Variants in OR1B1 observed in about 807,000 individuals in gnomAD.
OR1B1 encodes olfactory receptor 1B1.
For missense variants in OR1B1, 414 were observed against 402.1 expected, an observed-to-expected ratio of 1.03 and a Z score of -0.25; for synonymous variants, 168 against 156.2, an observed-to-expected ratio of 1.08 and a Z score of -0.57.
At chr9:122,637,847 C>T in the OR1B1 span, among the ~76,000 whole-genome samples, 1 of 152,262 alleles carries the variant, frequency 6.6e-6, no homozygotes, top group East Asian at 1.9e-4. Flanking sequence ...CAGAAATGGA[C>T]AGTCCCAAAA....
chr9:122,633,166 A>G (rs1830221979), upstream of OR1B1, among the ~76,000 whole-genome samples: 1 of 152,208 alleles, frequency 6.6e-6, no homozygotes, highest in Non-Finnish European at 1.5e-5. Context: ...GCCAAACCAT[A>G]TCAAGAGTTA....
the OR1B1 span, among the ~76,000 whole-genome samples, chr9:122,635,934 T>C: frequency 2.0e-5 from 3 of 152,300 alleles, no homozygotes; most frequent in Non-Finnish European, 1.5e-5. Flanking sequence ...AATCAGGAAA[T>C]AATATTTCCA....
At chr9:122,645,801 C>A in the OR1B1 span, among the ~76,000 whole-genome samples, 1 of 152,116 alleles carries the variant, frequency 6.6e-6, no homozygotes, top group African/African-American at 2.4e-5. Flanking sequence ...AAAGGGAGTT[C>A]TTCAATCTGA....
upstream of OR1B1, among the ~76,000 whole-genome samples, chr9:122,631,475 C>G (rs1830202796): frequency 6.6e-6 from 1 of 152,104 alleles, no homozygotes; most frequent in Admixed American, 6.5e-5. Flanking sequence ...CCATGCCCAG[C>G]CAATAACATA....
chr9:122,651,609 T>C, the OR1B1 span, among the ~76,000 whole-genome samples: 1 of 152,174 alleles, frequency 6.6e-6, no homozygotes, highest in African/African-American at 2.4e-5. Context: ...CACAGAAACT[T>C]TGATACAACC....
chr9:122,628,811 C>A (rs759389860), exon 1 of OR1B1: 1 of 1,614,040 alleles, frequency 6.2e-7, no homozygotes, highest in Non-Finnish European at 8.5e-7. Context: ...GGAGACTGCT[C>A]GGCGGCGACC....
chr9:122,629,560 G>T (rs375654136), exon 1 of OR1B1: 33 of 1,449,414 alleles, frequency 2.3e-5, no homozygotes, highest in Non-Finnish European at 2.9e-5. Flanking sequence ...CTGCCTGAAA[G>T]ACAGTTTAAG....
chr9:122,646,525 G>T, the OR1B1 span, among the ~76,000 whole-genome samples: 2 of 146,638 alleles, frequency 1.4e-5, no homozygotes, highest in Non-Finnish European at 1.5e-5. Flanking sequence ...TGCCAATGAA[G>T]ACCAAAAAAA....
chr9:122,654,456 G>C, the OR1B1 span, among the ~76,000 whole-genome samples: 20 of 152,270 alleles, frequency 1.3e-4, no homozygotes, highest in African/African-American at 4.6e-4. Flanking sequence ...GCTCTAACCA[G>C]ATGGGGTCCA....
the OR1B1 span, among the ~76,000 whole-genome samples, chr9:122,656,519 T>C: frequency 2.0e-5 from 3 of 152,112 alleles, no homozygotes; most frequent in African/African-American, 7.2e-5. Context: ...CCCAACTTCC[T>C]CTCTGTATCT....
chr9:122,644,378 C>T, the OR1B1 span, among the ~76,000 whole-genome samples: 2 of 152,224 alleles, frequency 1.3e-5, no homozygotes, highest in African/African-American at 4.8e-5. Flanking sequence ...CTCTGCCTGC[C>T]ATAAGGGGAG....
chr9:122,646,179 A>G, the OR1B1 span, among the ~76,000 whole-genome samples: 1 of 152,314 alleles, frequency 6.6e-6, no homozygotes, highest in Non-Finnish European at 1.5e-5. Context: ...ACCTCAAATC[A>G]AAAAACATAT....
the OR1B1 span, among the ~76,000 whole-genome samples, chr9:122,635,734 T>G: frequency 6.6e-6 from 1 of 152,146 alleles, no homozygotes; most frequent in African/African-American, 2.4e-5. Flanking sequence ...TTTGCCAGAC[T>G]TAATGAAGGA....
At chr9:122,628,869 A>G (rs763752438) in exon 1 of OR1B1, 1 of 1,614,030 alleles carries the variant, frequency 6.2e-7, no homozygotes, top group Non-Finnish European at 8.5e-7. Flanking sequence ...CGGACATAAG[A>G]GAGTACAATG....
At chr9:122,649,211 G>T in the OR1B1 span, among the ~76,000 whole-genome samples, 20 of 152,250 alleles carry the variant, frequency 1.3e-4, no homozygotes, top group Non-Finnish European at 2.8e-4. Flanking sequence ...GCAGAAAACT[G>T]CAACTGGACC....
the OR1B1 span, among the ~76,000 whole-genome samples, chr9:122,655,324 A>G: frequency 1.6e-4 from 24 of 152,264 alleles, no homozygotes; most frequent in African/African-American, 5.1e-4. Context: ...TGGGGTCCAG[A>G]CTGTTCCTGA....
chr9:122,654,381 G>A, the OR1B1 span, among the ~76,000 whole-genome samples: 1 of 152,192 alleles, frequency 6.6e-6, no homozygotes, highest in African/African-American at 2.4e-5. Context: ...GCTCTCCTAA[G>A]ACCCAGCTGT....
At chr9:122,628,987 G>A (rs1216132957) in exon 1 of OR1B1, 1 of 1,613,980 alleles carries the variant, frequency 6.2e-7, no homozygotes. Flanking sequence ...GGTCACAAAA[G>A]AAGTGAGGAA....
the OR1B1 span, among the ~76,000 whole-genome samples, chr9:122,656,636 A>G: frequency 1.3e-5 from 2 of 152,336 alleles, no homozygotes; most frequent in Admixed American, 1.3e-4. Flanking sequence ...CATGAGCCAA[A>G]TAAACTTTTG....
Sources: gnomAD v4.1 joint callset for allele counts (sites outside exome capture counted in the v4.1 genomes callset) on GRCh38, gnomAD v4.1.1 for gene constraint, MANE v1.5 for transcripts, NCBI Gene and HGNC (gene_info 2026-07-23, HGNC 2026-07-21) for gene names.